INSR: variants seen among roughly 807,000 people sequenced by gnomAD.
The protein encoded by INSR is insulin receptor, also known as IR.
INSR carries 67 observed loss-of-function variants against 142.6 expected under a neutral mutation model. That is an observed-to-expected ratio of 0.47 (90% CI 0.39 to 0.58). The LOEUF (loss-of-function observed/expected upper bound fraction) is 0.58. INSR is among the 20% of genes least tolerant of loss of function. The probability of loss-of-function intolerance (pLI) is 0.00; values close to 1 mark genes in which losing one functional copy is unlikely to be tolerated. For synonymous variants in INSR, 756 were observed against 743.1 expected, an observed-to-expected ratio of 1.02 and a Z score of -0.28; for missense variants, 1,248 against 1,833.2, an observed-to-expected ratio of 0.68 and a Z score of 5.83.
At chr19:7,262,454 G>A (rs1351674266) in intron 2 of INSR, among the ~76,000 whole-genome samples, 1 of 152,036 alleles carries the variant, frequency 6.6e-6, no homozygotes, top group Non-Finnish European at 1.5e-5. Context: ...CCTGGGCGAC[G>A]AGAGCAAAAC....
At chr19:7,139,041 G>A (rs1973004783) in intron 13 of INSR, among the ~76,000 whole-genome samples, 1 of 152,134 alleles carries the variant, frequency 6.6e-6, no homozygotes, top group Admixed American at 6.6e-5. Flanking sequence ...ACTAGCAAAT[G>A]TGATGCAAAC....
chr19:7,268,755 CTGT>C (rs1376221701), intron 1 of INSR: 1 of 286,974 alleles, frequency 3.5e-6, no homozygotes, highest in African/African-American at 2.3e-5. Context: ...GTTCTTCTTG[CTGT>C]TGTTTATTCC....
chr19:7,165,498 A>G (rs773398074), intron 8 of INSR, among the ~76,000 whole-genome samples: 3 of 152,094 alleles, frequency 2.0e-5, no homozygotes, highest in Non-Finnish European at 2.9e-5. Flanking sequence ...AAAAATATAA[A>G]TATTCCCATC....
chr19:7,288,005 A>T (rs1968387567), intron 1 of INSR, among the ~76,000 whole-genome samples: 1 of 152,158 alleles, frequency 6.6e-6, no homozygotes, highest in Admixed American at 6.6e-5. Flanking sequence ...AAACCGTGGG[A>T]TTTGGCCTGA....
At chr19:7,148,458 T>G (rs375137840) in intron 11 of INSR, among the ~76,000 whole-genome samples, 103 of 148,582 alleles carry the variant, frequency 6.9e-4, no homozygotes, top group African/African-American at 1.9e-3. Flanking sequence ...ATTATTATTA[T>G]TAGTATTATG....
chr19:7,142,438 T>C (rs772775447), intron 12 of INSR, among the ~76,000 whole-genome samples: 167 of 140,098 alleles, frequency 1.2e-3, no homozygotes, highest in Admixed American at 2.2e-3. Flanking sequence ...CTCATGCCTG[T>C]AATCCCAGCA....
chr19:7,150,890 G>A lies in INSR; in HGVS notation c.2232-358C>T, dbSNP rs532514760. Reference sequence around the variant, plus strand: ...CTTTCTTCTTTCTCTCTCTCTTTCTGGTTTCTTTCCTCTTTCTCCTTTTCT... The same window carrying A: ...CTTTCTTCTTTCTCTCTCTCTTTCTAGTTTCTTTCCTCTTTCTCCTTTTCT... On this transcript the variant is annotated intron_variant, in intron 10 of 21. Coordinates refer to ENST00000302850, the MANE Select transcript of INSR (RefSeq NM_000208.4). The surrounding 1 kb of genome is among the most constrained non-coding windows in gnomAD (Gnocchi z 4.2). Among the ~76,000 whole-genome samples, 1 of 151,498 alleles carries A rather than the reference G, an allele frequency of 6.6e-6. No homozygotes were observed. The highest frequency in any genetic ancestry group is 1.9e-4 in the East Asian group (1 of 5,152).
chr19:7,170,890 A>G (rs1974002218), intron 5 of INSR, 139 bp from the exon 6 acceptor site: 1 of 767,656 alleles, frequency 1.3e-6, no homozygotes, highest in East Asian at 2.5e-5. Flanking sequence ...TACTCAACAC[A>G]TATTTGTTGA....
chr19:7,163,428 T>C (rs1050836269), intron 8 of INSR, among the ~76,000 whole-genome samples: 10 of 151,674 alleles, frequency 6.6e-5, no homozygotes, highest in South Asian at 4.2e-4. Context: ...GGTGTGGTGG[T>C]GGGCGCCTGT....
chr19:7,206,958 C>G (rs1975120290), intron 2 of INSR, among the ~76,000 whole-genome samples: 1 of 152,120 alleles, frequency 6.6e-6, no homozygotes, highest in Admixed American at 6.5e-5. Context: ...AGGGAAAACA[C>G]AAAATCCCCA....
rs1967760388 is a variant in INSR, at chr19:7,267,220, T to C, written c.652+125A>G. On this transcript the variant is annotated intron_variant, in intron 2 of 21. Transcript: ENST00000302850. The surrounding 1 kb of genome is among the most constrained non-coding windows in gnomAD (Gnocchi z 6.3). ...GTCTGCCACTCCCTGGGCTAGTGAA[T>C]GCCACCACCCACTATTCCCCGGCCC... 3.1e-6 allele frequency: 3 copies of C among 980,766 alleles called. No individual in the cohort carries two copies. In the Admixed American group the frequency reaches 5.8e-5, roughly 19 times the overall value. The allele number at this position is 980,766 out of a possible 1,614,324, so 60.8% of individuals were successfully genotyped here.
At chr19:7,175,817 C>T (rs942715751) in intron 3 of INSR, among the ~76,000 whole-genome samples, 12 of 149,946 alleles carry the variant, frequency 8.0e-5, no homozygotes, top group Non-Finnish European at 1.2e-4. Flanking sequence ...CTGGGAGACA[C>T]AGTCAGACTC....
At chr19:7,265,735 CA>C (rs34734343) in intron 2 of INSR, among the ~76,000 whole-genome samples, 3,934 of 133,546 alleles carry the variant, frequency 0.029, 117 homozygotes, top group East Asian at 0.17. Context: ...AACTCCATCT[CA>C]AAAAAAAAAA....
At chr19:7,251,422 A>G (rs971727106) in intron 2 of INSR, among the ~76,000 whole-genome samples, 1 of 151,696 alleles carries the variant, frequency 6.6e-6, no homozygotes, top group Admixed American at 6.6e-5. Flanking sequence ...ATGCTCGGCT[A>G]ATTTTTTATT....
intron 2 of INSR, among the ~76,000 whole-genome samples, chr19:7,237,133 G>A (rs781451797): frequency 2.6e-5 from 4 of 151,980 alleles, no homozygotes; most frequent in African/African-American, 9.7e-5. Context: ...TATACTGCTC[G>A]GGTGATGGAT....
chr19:7,219,687 G>GA (rs906058696), intron 2 of INSR, among the ~76,000 whole-genome samples: 12 of 151,578 alleles, frequency 7.9e-5, no homozygotes, highest in African/African-American at 1.9e-4. Context: ...GAAAGAAAAT[G>GA]AAAAAAAAGA....
chr19:7,249,873 T>A lies in INSR; in HGVS notation c.652+17472A>T, dbSNP rs561813085. On this transcript the variant is annotated intron_variant, in intron 2 of 21. Coordinates refer to ENST00000302850, the MANE Select transcript of INSR (RefSeq NM_000208.4). Reference sequence around the variant, plus strand: ...CGGGCGTGGTGGCAGGTGCCTGTAGTCCCAGCTACTCAGGAGGCTGAGGCA... The same window carrying A: ...CGGGCGTGGTGGCAGGTGCCTGTAGACCCAGCTACTCAGGAGGCTGAGGCA... Among the ~76,000 whole-genome samples the A allele has an allele frequency of 1.1e-4, 17 of 152,022 alleles. No homozygotes were observed. In the South Asian group the frequency reaches 3.5e-3, roughly 32 times the overall value.
chr19:7,197,986 AGTGTGTGTGTGTCCATGGTGGGCGAGC>A, intron 2 of INSR, among the ~76,000 whole-genome samples: 1 of 127,656 alleles, frequency 7.8e-6, no homozygotes, highest in Admixed American at 7.7e-5. Flanking sequence ...CCATGGTGGG[AGTGTGTGTGTGTCCATGGTGGGCGAGC>A]GTGTGTGTGT....
chr19:7,233,727 G>A (rs1269841320), intron 2 of INSR, among the ~76,000 whole-genome samples: 1 of 136,690 alleles, frequency 7.3e-6, no homozygotes, highest in Non-Finnish European at 1.5e-5. Flanking sequence ...CCAGGCTGGA[G>A]TGCAGTGGCA....
Sources: gnomAD v4.1 joint callset for allele counts (sites outside exome capture counted in the v4.1 genomes callset) on GRCh38, gnomAD v4.1.1 for gene constraint, Gnocchi (gnomAD v3.1) non-coding constraint, MANE v1.5 for transcripts, NCBI Gene and HGNC (gene_info 2026-07-23, HGNC 2026-07-21) for gene names.